SMTN: variants seen among roughly 807,000 people sequenced by gnomAD.
SMTN encodes smoothelin.
Under a neutral mutation model 102.0 loss-of-function variants are expected in SMTN, and 58 were observed. That is an observed-to-expected ratio of 0.57 (90% CI 0.46 to 0.71). SMTN has a LOEUF of 0.71. Among genes scored for constraint, SMTN ranks in the 30% least tolerant of loss-of-function variants. The pLI, the probability that SMTN is intolerant of heterozygous loss-of-function variation, is 0.00. For synonymous variants in SMTN, 478 were observed against 497.9 expected (o/e 0.96, Z 0.53); for missense variants, 1,185 against 1,241.7 (o/e 0.95, Z 0.69).
intron 20 of SMTN, chr22:31,104,015 T>G: frequency 7.4e-6 from 3 of 407,742 alleles, no homozygotes; most frequent in Non-Finnish European, 9.0e-6. Flanking sequence ...ATGGGCAGGG[T>G]TTGGAGCCAG....
chr22:31,100,848 C>A (rs766139534), intron 19 of SMTN, 37 bp from the exon 20 acceptor site: 7 of 901,580 alleles, frequency 7.8e-6, no homozygotes, highest in Non-Finnish European at 1.2e-5. Context: ...CTCCTGCCCC[C>A]GTCCCCCACC....
chr22:31,074,863 G>A (rs568656063), intron 1 of SMTN, among the ~76,000 whole-genome samples: 6 of 152,146 alleles, frequency 3.9e-5, no homozygotes, highest in South Asian at 2.1e-4. Context: ...GAGTCCTAAC[G>A]TTGGGGGCTA....
chr22:31,100,568 C>T (rs1033334301), intron 19 of SMTN, among the ~76,000 whole-genome samples: 2 of 152,122 alleles, frequency 1.3e-5, no homozygotes, highest in African/African-American at 4.8e-5. Context: ...ACGCCATCGC[C>T]CCCACCCCGC....
chr22:31,074,411 G>A (rs562854891), intron 1 of SMTN, among the ~76,000 whole-genome samples: 1 of 152,172 alleles, frequency 6.6e-6, no homozygotes, highest in South Asian at 2.1e-4. Context: ...TAGAATCACA[G>A]CCCTGGGCTT....
chr22:31,099,951 G>C, intron 19 of SMTN, 55 bp downstream of exon 19: 3 of 1,573,112 alleles, frequency 1.9e-6, no homozygotes, highest in South Asian at 1.1e-5. Context: ...GCTGGACATC[G>C]GGACCAGGCC....
chr22:31,096,765 C>A lies in SMTN; in HGVS notation c.1894C>A (p.Gln632Lys). The A allele has an allele frequency of 1.3e-6, 2 of 1,557,364 alleles. No homozygotes were observed. Among genetic ancestry groups the A allele is most frequent in the Non-Finnish European group, 1.7e-6 (2 of 1,155,388 alleles). ...GGACAAGGAGCGGGAACGGCGGCTG[C>A]AGGAGGCACGGGGCCGGCCAGGGGA... is the stretch of plus-strand genomic sequence containing the variant. Reference protein sequence around the residue: ...QRDKERERRLQEARGRPGEGR... With the variant: ...QRDKERERRLKEARGRPGEGR... Residue 632 changes from glutamine to lysine, a missense_variant, in exon 14 of 21, where the codon CAG becomes AAG. By Grantham distance (53) the Gln-to-Lys change is moderately conservative. This residue lies in a region of SMTN where 1,096 missense variants were observed against 1,112.7 expected (regional missense o/e 0.98). Coordinates refer to ENST00000333137, the MANE Select transcript of SMTN (RefSeq NM_134269.3).
intron 18 of SMTN, 64 bp downstream of exon 18, chr22:31,099,243 T>G: frequency 1.9e-6 from 2 of 1,030,180 alleles, no homozygotes; most frequent in Non-Finnish European, 1.5e-6. Flanking sequence ...ACCTCCTTCT[T>G]AGCAGAGCTC....
chr22:31,087,862 TG>T, intron 2 of SMTN, 102 bp from the exon 3 acceptor site: 1 of 1,270,204 alleles, frequency 7.9e-7, no homozygotes, highest in Non-Finnish European at 1.1e-6. Flanking sequence ...ACACAGGGAG[TG>T]GACACAGGCC....
rs1399680313 is a variant in SMTN at position 31,100,876 on chromosome 22, C to T, written c.2604-9C>T. 3 of 1,554,414 alleles carry T rather than the reference C, an allele frequency of 1.9e-6. No homozygotes were observed. Among genetic ancestry groups the T allele is most frequent in the Non-Finnish European group, 2.6e-6 (3 of 1,144,002 alleles). On this transcript the variant is annotated splice_polypyrimidine_tract_variant and intron_variant, in intron 19 of 20. Coordinates refer to ENST00000333137, the MANE Select transcript of SMTN (RefSeq NM_134269.3). ...CCCCCACCCCTTCCCGGCCCCCTAC[C>T]CTCCCCAGGACCCATGCGGACTGCC...
At chr22:31,080,082 G>A (rs1409823931), upstream of SMTN, among the ~76,000 whole-genome samples, 1 of 152,194 alleles carries the variant, frequency 6.6e-6, no homozygotes, top group East Asian at 1.9e-4. Context: ...GTTTTCTGAT[G>A]TGTAAAATGG....
upstream of SMTN, among the ~76,000 whole-genome samples, chr22:31,078,096 C>A (rs1212652359): frequency 2.6e-5 from 4 of 152,188 alleles, no homozygotes; most frequent in Non-Finnish European, 5.9e-5. Context: ...CAGTGCTGTC[C>A]TGGGGAGAGA....
chr22:31,092,859 C>T (rs1210827407), intron 11 of SMTN, among the ~76,000 whole-genome samples: 4 of 152,234 alleles, frequency 2.6e-5, no homozygotes, highest in Non-Finnish European at 5.9e-5. Flanking sequence ...TGTGGTTGGA[C>T]GTGAGCACCA....
chr22:31,100,850 T>TCCCCCC, intron 19 of SMTN, 35 bp from the exon 20 acceptor site: 4 of 636,316 alleles, frequency 6.3e-6, no homozygotes, highest in East Asian at 4.7e-5. Flanking sequence ...CCTGCCCCCG[T>TCCCCCC]CCCCCACCCC....
chr22:31,092,365 G>A, intron 11 of SMTN: 1 of 448,622 alleles, frequency 2.2e-6, no homozygotes. Context: ...GCTCTGAGGG[G>A]GGACAGACAG....
rs180799983 is a variant in SMTN at position 31,101,038 on chromosome 22, C to T, written c.*9C>T. The T allele has an allele frequency of 9.3e-5, 149 of 1,598,818 alleles. No homozygotes were observed. In the African/African-American group the frequency reaches 1.0e-3, roughly 11 times the overall value. On this transcript the variant is annotated 3_prime_UTR_variant, in exon 20 of 21. Transcript: ENST00000333137. ...AAACCAAAAAGTCCTAACCCCTGCT[C>T]GGGGCCCCACGGTGAGAAACGCCGC...
At chr22:31,084,066 A>T (rs1376686242) in intron 2 of SMTN, among the ~76,000 whole-genome samples, 1 of 152,224 alleles carries the variant, frequency 6.6e-6, no homozygotes, top group Non-Finnish European at 1.5e-5. Flanking sequence ...AGAATGAGGC[A>T]TGGACCCAGA....
At chr22:31,094,151 T>G (rs2043375452) in intron 11 of SMTN, among the ~76,000 whole-genome samples, 2 of 152,182 alleles carry the variant, frequency 1.3e-5, no homozygotes, top group Non-Finnish European at 2.9e-5. Flanking sequence ...CTGAAACAGC[T>G]GCCACCTCAG....
At chr22:31,103,848 AT>A (rs2044285974) in intron 20 of SMTN, 1 of 159,338 alleles carries the variant, frequency 6.3e-6, no homozygotes, top group South Asian at 1.8e-4. Flanking sequence ...CTAGCAGACA[AT>A]CATCGGTGGA....
chr22:31,087,439 GA>G (rs2042782010), intron 2 of SMTN, among the ~76,000 whole-genome samples: 1 of 152,206 alleles, frequency 6.6e-6, no homozygotes, highest in Admixed American at 6.5e-5. Flanking sequence ...AGCCAGGCAG[GA>G]CTCCTGAGCA....
Sources: allele counts gnomAD v4.1 joint callset (sites outside exome capture counted in the v4.1 genomes callset), GRCh38; gene constraint gnomAD v4.1.1; regional missense constraint gnomAD v4.1.1; transcripts MANE v1.5; gene names NCBI Gene and HGNC (gene_info 2026-07-23, HGNC 2026-07-21).